Variants in PIP5K1B observed in about 807,000 individuals in gnomAD.
PIP5K1B encodes the protein phosphatidylinositol 4-phosphate 5-kinase type-1 beta.
PIP5K1B carries 42 observed loss-of-function variants against 67.0 expected under a neutral mutation model. The ratio of observed to expected loss-of-function variants is 0.63; its 90% confidence interval spans 0.49 to 0.81. The LOEUF (loss-of-function observed/expected upper bound fraction) is 0.81. Among genes scored for constraint, PIP5K1B ranks in the 30% least tolerant of loss-of-function variants. PIP5K1B has a pLI of 0.00. For missense variants in PIP5K1B, 459 were observed against 646.3 expected (o/e 0.71, Z 3.14); for synonymous variants, 214 against 231.4 (o/e 0.92, Z 0.68).
chr9:68,912,615 T>A (rs1304803407), intron 8 of PIP5K1B, among the ~76,000 whole-genome samples: 1 of 152,214 alleles, frequency 6.6e-6, no homozygotes, highest in Non-Finnish European at 1.5e-5. Flanking sequence ...TAGGAATCCC[T>A]ATTATAGAGA....
intron 14 of PIP5K1B, among the ~76,000 whole-genome samples, chr9:68,978,110 A>G (rs909077195): frequency 6.6e-6 from 1 of 152,212 alleles, no homozygotes; most frequent in Admixed American, 6.5e-5. Flanking sequence ...CAATTAACAT[A>G]TCTATCACCT....
chr9:68,948,181 A>G (rs1198428937), intron 14 of PIP5K1B, among the ~76,000 whole-genome samples: 2 of 152,238 alleles, frequency 1.3e-5, no homozygotes, highest in African/African-American at 4.8e-5. Flanking sequence ...CATCAAGCAA[A>G]TGATACCACA....
intron 14 of PIP5K1B, among the ~76,000 whole-genome samples, chr9:68,955,690 T>C (rs1416459925): frequency 6.6e-6 from 1 of 152,188 alleles, no homozygotes; most frequent in Non-Finnish European, 1.5e-5. Context: ...TTAAAATAAT[T>C]ACATGAGTTC....
intron 8 of PIP5K1B, among the ~76,000 whole-genome samples, chr9:68,907,433 T>C (rs1199560143): frequency 2.0e-5 from 3 of 151,874 alleles, no homozygotes; most frequent in African/African-American, 7.2e-5. Context: ...AAAATAAATA[T>C]TTAAAAAAAT....
intron 1 of PIP5K1B, among the ~76,000 whole-genome samples, chr9:68,733,543 A>G (rs1415202863): frequency 6.6e-6 from 1 of 151,526 alleles, no homozygotes; most frequent in Non-Finnish European, 1.5e-5. Context: ...AATTGAATAA[A>G]ATTTTTCTCA....
chr9:68,981,704 G>C (rs1163187923), intron 14 of PIP5K1B, among the ~76,000 whole-genome samples: 1 of 152,178 alleles, frequency 6.6e-6, no homozygotes, highest in Non-Finnish European at 1.5e-5. Flanking sequence ...GAGTGTTCCA[G>C]GCTATAAAAT....
chr9:68,918,552 G>C (rs983330055), intron 9 of PIP5K1B, among the ~76,000 whole-genome samples: 15 of 152,288 alleles, frequency 9.8e-5, no homozygotes, highest in African/African-American at 3.6e-4. Flanking sequence ...ATTTGCATGT[G>C]TAAAATGCAT....
intron 2 of PIP5K1B, among the ~76,000 whole-genome samples, chr9:68,804,981 G>C (rs548992601): frequency 6.6e-6 from 1 of 152,194 alleles, no homozygotes; most frequent in Non-Finnish European, 1.5e-5. Flanking sequence ...TCACCTAAAC[G>C]CCTAACTGGT....
chr9:68,732,416 G>A (rs2132292107), intron 1 of PIP5K1B, among the ~76,000 whole-genome samples: 1 of 152,236 alleles, frequency 6.6e-6, no homozygotes, highest in East Asian at 1.9e-4. Flanking sequence ...TATTCATTTA[G>A]TCTTTGGCAT....
At chr9:68,981,888 C>T (rs1473291511) in intron 14 of PIP5K1B, among the ~76,000 whole-genome samples, 2 of 151,940 alleles carry the variant, frequency 1.3e-5, no homozygotes, top group African/African-American at 4.8e-5. Context: ...GAAGAAAAAT[C>T]GCTCCTCCTG....
chr9:68,853,812 A>G (rs1467563069), intron 4 of PIP5K1B, among the ~76,000 whole-genome samples: 1 of 152,144 alleles, frequency 6.6e-6, no homozygotes, highest in Non-Finnish European at 1.5e-5. Context: ...ACCTCACAAG[A>G]AAAAAAGATA....
chr9:68,746,384 G>T lies in PIP5K1B; in HGVS notation c.-86+3727G>T, dbSNP rs548251589. On this transcript the variant is annotated intron_variant, in intron 2 of 15. Transcript: ENST00000265382. ...AAACAGATTCTTAGTTATATGGCAT[G>T]CACAGAGTTTTGGAAGTACTGAGAC... Among the ~76,000 whole-genome samples, 4 of 152,200 alleles carry T rather than the reference G, an allele frequency of 2.6e-5. No individual in the cohort carries two copies. In the East Asian group the frequency reaches 7.7e-4, roughly 29 times the overall value.
intron 11 of PIP5K1B, among the ~76,000 whole-genome samples, chr9:68,922,004 C>G (rs895735852): frequency 6.6e-6 from 1 of 152,126 alleles, no homozygotes; most frequent in East Asian, 1.9e-4. Flanking sequence ...CATGCCAAAG[C>G]GAACAACAAT....
At chr9:68,782,768 G>A (rs1004876109) in intron 2 of PIP5K1B, 1 of 167,096 alleles carries the variant, frequency 6.0e-6, no homozygotes, top group Admixed American at 6.5e-5. Context: ...CTGACTTCTT[G>A]TTGGGTAACT....
In PIP5K1B at chr9:68,862,073, G is replaced by A. The variant is rs928461724; in HGVS notation, c.70-1764G>A. Among the ~76,000 whole-genome samples, 56 of 152,170 alleles carry A rather than the reference G, an allele frequency of 3.7e-4. 4 individuals are homozygous for A. ...GTAGATAGTCGTCCTCACACTAAAGGTGACATAACCTTTATTGTAGAATAA... is the reference window on the plus strand; with the variant it reads ...GTAGATAGTCGTCCTCACACTAAAGATGACATAACCTTTATTGTAGAATAA... On this transcript the variant is annotated intron_variant, in intron 4 of 15. Transcript: ENST00000265382.
At position 68,922,902 on chromosome 9, in the gene PIP5K1B, A is replaced by G. The variant is rs577812718; in HGVS notation, c.1117-400A>G. Among the ~76,000 whole-genome samples, 4 of 152,228 alleles carry G rather than the reference A, an allele frequency of 2.6e-5. No homozygotes were observed. The South Asian group carries it at 8.3e-4, about 32-fold the overall frequency. ...TAGGATAGTTTTGTTTATGTCTCCA[A>G]TTTTTGTTCATGATTAAGGGAGTTA... On this transcript the variant is annotated intron_variant, in intron 11 of 15. Coordinates refer to ENST00000265382, the MANE Select transcript of PIP5K1B (RefSeq NM_003558.4).
chr9:68,796,765 G>A (rs1832317196), intron 2 of PIP5K1B, among the ~76,000 whole-genome samples: 1 of 152,200 alleles, frequency 6.6e-6, no homozygotes, highest in South Asian at 2.1e-4. Flanking sequence ...TGAGAAAGAA[G>A]CCAGAGTTAG....
At chr9:68,780,948 A>G (rs751968135) in intron 2 of PIP5K1B, 5 of 1,614,152 alleles carry the variant, frequency 3.1e-6, no homozygotes, top group Admixed American at 3.3e-5. Flanking sequence ...AGCGAAAGTC[A>G]GCACTACCAC....
At chr9:68,873,167 G>A (rs1392372161) in intron 5 of PIP5K1B, among the ~76,000 whole-genome samples, 1 of 151,658 alleles carries the variant, frequency 6.6e-6, no homozygotes. Flanking sequence ...ATGGTCTCTC[G>A]GTGACATTTA....
Sources: gnomAD v4.1 joint callset for allele counts (sites outside exome capture counted in the v4.1 genomes callset) on GRCh38, gnomAD v4.1.1 for gene constraint, MANE v1.5 for transcripts, NCBI Gene and HGNC (gene_info 2026-07-23, HGNC 2026-07-21) for gene names.